Variants in GALNT5 observed in about 807,000 individuals in gnomAD.
GALNT5 encodes polypeptide N-acetylgalactosaminyltransferase 5.
In GALNT5, 72 loss-of-function variants were observed where a neutral mutation model predicts 85.4. That is an observed-to-expected ratio of 0.84 (90% confidence interval 0.70 to 1.03). The LOEUF is 1.03. Ranked by LOEUF, GALNT5 falls within the 50% of genes least tolerant of loss-of-function variation. The pLI is 0.00. For synonymous variants in GALNT5, 404 were observed against 397.0 expected (o/e 1.02, Z -0.21); for missense variants, 1,137 against 1,135.5 (o/e 1.00, Z -0.02).
intron 3 of GALNT5, among the ~76,000 whole-genome samples, chr2:157,286,539 T>C (rs1259482674): frequency 6.6e-6 from 1 of 152,236 alleles, no homozygotes; most frequent in Non-Finnish European, 1.5e-5. Context: ...AGTCTCGCTC[T>C]GTCACCCAGG....
At chr2:157,286,893 A>AGTGTGT (rs3072178) in intron 3 of GALNT5, among the ~76,000 whole-genome samples, 3,628 of 135,844 alleles carry the variant, frequency 0.027, 92 homozygotes, top group African/African-American at 0.06. Context: ...TTTAAATACC[A>AGTGTGT]GTGTGTGTGT....
chr2:157,289,142 C>T (rs570023549), intron 3 of GALNT5, among the ~76,000 whole-genome samples: 1 of 145,848 alleles, frequency 6.9e-6, no homozygotes. Context: ...TCTGCCTGCA[C>T]GGAGCACAGA....
chr2:157,297,012 C>G (rs1683226580), intron 5 of GALNT5, among the ~76,000 whole-genome samples: 1 of 152,114 alleles, frequency 6.6e-6, no homozygotes, highest in African/African-American at 2.4e-5. Context: ...CAAGTTTGGG[C>G]TTTTATTTCC....
In GALNT5 at chr2:157,317,192, A is replaced by ATT. The variant is rs1167725831; in HGVS notation, c.*5845_*5846insTT. On this transcript the variant is annotated 3_prime_UTR_variant, in exon 10 of 10. Transcript: ENST00000259056. The stretch of plus-strand genomic sequence containing the variant: ...TGTGTGTGTATATATATATATATAT[A>ATT]TATATATTTTTTTTTTTGATGCTTT... Among the ~76,000 whole-genome samples the ATT allele has an allele frequency of 2.2e-5, 3 of 135,032 alleles. No homozygotes were observed. The highest frequency in any genetic ancestry group is 9.4e-5 in the African/African-American group (3 of 31,932). 88.6% of individuals were successfully genotyped at this position (135,032 alleles called of 152,430 possible). A position where few individuals can be genotyped will look rare whatever the true frequency, so the allele number is the denominator to read the frequency against.
rs116189635 is a variant in GALNT5, at chr2:157,266,835, C to T, written c.1454+7299C>T. On this transcript the variant is annotated intron_variant, in intron 1 of 9. Coordinates refer to ENST00000259056, the MANE Select transcript of GALNT5 (RefSeq NM_014568.3). The stretch of plus-strand genomic sequence containing the variant: ...CATATGACATTGGCAGAAATTAAAA[C>T]ACCTCTCTTCCTTATACATGGGTAA... 9.4e-3 allele frequency among the ~76,000 whole-genome samples: 1,433 copies of T among 152,298 alleles called. 27 individuals carry two copies. The highest frequency in any genetic ancestry group is 0.033 in the African/African-American group (1,377 of 41,538).
At chr2:157,295,266 T>C (rs1683189769) in intron 3 of GALNT5, among the ~76,000 whole-genome samples, 1 of 152,174 alleles carries the variant, frequency 6.6e-6, no homozygotes, top group Non-Finnish European at 1.5e-5. Flanking sequence ...CTCTTCATCA[T>C]TCCTAAGGCC....
intron 3 of GALNT5, 115 bp from the exon 4 acceptor site, chr2:157,295,548 G>A: frequency 4.3e-6 from 3 of 693,852 alleles, no homozygotes; most frequent in Non-Finnish European, 7.0e-6. Context: ...AAAAAAAAAA[G>A]GTCACTGCAT....
Position 157,300,744 on chromosome 2 carries a change from C to T in GALNT5, c.2184C>T (p.Asp728=). ...GAGTGGGCCATATATTCAGAAATGA[C>T]AATCCATATTCCTTCCCCAAAGACC... is the stretch of plus-strand genomic sequence containing the variant. ...CSRVGHIFRN[D]NPYSFPKDRM... Residue 728 remains aspartate (D), a synonymous_variant, in exon 7 of 10, where the codon GAC becomes GAT. Transcript: ENST00000259056. The T allele has an allele frequency of 6.2e-7, 1 of 1,613,940 alleles. No individual in the cohort carries two copies.
rs1683684650 is a variant in GALNT5, at chr2:157,315,619, C to T, written c.*4271C>T. On this transcript the variant is annotated 3_prime_UTR_variant, in exon 10 of 10. Transcript: ENST00000259056. ...TAACCAATTGATGTGTAGGTATAAA[C>T]ATGGCTACCCCCACATGTTTTGCTG... Among the ~76,000 whole-genome samples, 1 of 152,158 alleles carries T rather than the reference C, an allele frequency of 6.6e-6. No homozygotes were observed. Among genetic ancestry groups the T allele is most frequent in the East Asian group, 1.9e-4 (1 of 5,186 alleles).
In GALNT5 at chr2:157,315,603, G is replaced by A. The variant is rs1683684135; in HGVS notation, c.*4255G>A. ...CTCTCTCTCTCTGTGGTAACCAATT[G>A]ATGTGTAGGTATAAACATGGCTACC... On this transcript the variant is annotated 3_prime_UTR_variant, in exon 10 of 10. Coordinates refer to ENST00000259056, the MANE Select transcript of GALNT5 (RefSeq NM_014568.3). Among the ~76,000 whole-genome samples, 1 of 152,110 alleles carries A rather than the reference G, an allele frequency of 6.6e-6. No homozygotes were observed. Among genetic ancestry groups the A allele is most frequent in the Non-Finnish European group, 1.5e-5 (1 of 68,024 alleles).
intron 2 of GALNT5, among the ~76,000 whole-genome samples, chr2:157,285,721 C>T (rs1243421478): frequency 1.3e-5 from 2 of 152,150 alleles, no homozygotes; most frequent in Non-Finnish European, 2.9e-5. Context: ...TATTTTAAGG[C>T]AAATCTGCCC....
chr2:157,306,456 C>A (rs758270308), intron 8 of GALNT5, among the ~76,000 whole-genome samples: 1 of 152,132 alleles, frequency 6.6e-6, no homozygotes, highest in Non-Finnish European at 1.5e-5. Context: ...TAGAGGGAGT[C>A]GGGCCAGGAA....
intron 3 of GALNT5, among the ~76,000 whole-genome samples, chr2:157,293,120 G>C (rs1184661544): frequency 6.6e-6 from 1 of 152,186 alleles, no homozygotes; most frequent in Non-Finnish European, 1.5e-5. Flanking sequence ...CTGTCCCAAA[G>C]GTGCCATCCC....
At chr2:157,285,155 G>T (rs890689347) in intron 2 of GALNT5, among the ~76,000 whole-genome samples, 8 of 152,184 alleles carry the variant, frequency 5.3e-5, no homozygotes, top group Admixed American at 1.3e-4. Flanking sequence ...GCTTACCCTT[G>T]AGCTGTGACC....
rs751457382 is a variant in GALNT5, at chr2:157,300,745, A to C, written c.2185A>C (p.Asn729His). The part of the protein sequence containing the change: ...SRVGHIFRND[N>H]PYSFPKDRMK... ...AGTGGGCCATATATTCAGAAATGAC[A>C]ATCCATATTCCTTCCCCAAAGACCG... is the stretch of plus-strand genomic sequence containing the variant. The change falls in exon 7 of 10, where the codon AAT becomes CAT. Residue 729 changes from asparagine to histidine, a missense_variant. By Grantham distance (68) the Asn-to-His change is moderately conservative (BLOSUM62 1). Transcript: ENST00000259056. 4 of 1,614,066 alleles carry C rather than the reference A, an allele frequency of 2.5e-6. No homozygotes were observed. Among genetic ancestry groups the C allele is most frequent in the South Asian group, 1.1e-5 (1 of 91,078 alleles).
At chr2:157,262,671 G>A (rs1682371199) in intron 1 of GALNT5, among the ~76,000 whole-genome samples, 1 of 151,178 alleles carries the variant, frequency 6.6e-6, no homozygotes, top group African/African-American at 2.5e-5. Context: ...CAATAAAAAG[G>A]TAGAGGAGAC....
intron 7 of GALNT5, among the ~76,000 whole-genome samples, chr2:157,303,986 T>C (rs1383548745): frequency 2.6e-5 from 4 of 152,148 alleles, no homozygotes; most frequent in African/African-American, 9.7e-5. Context: ...AGTTCTGGAG[T>C]AGAACCACCT....
intron 3 of GALNT5, among the ~76,000 whole-genome samples, chr2:157,286,902 G>A (rs956272546): frequency 4.0e-5 from 6 of 148,838 alleles, no homozygotes; most frequent in Admixed American, 3.3e-4. Context: ...CAGTGTGTGT[G>A]TGTGTGTGTG....
chr2:157,294,778 AT>A lies in GALNT5; in HGVS notation c.1742-884del, dbSNP rs1421349393. Among the ~76,000 whole-genome samples, 59 of 97,410 alleles carry A rather than the reference AT, an allele frequency of 6.1e-4. 3 individuals carry two copies. In the South Asian group the frequency reaches 0.022, roughly 37 times the overall value. 63.9% of individuals were successfully genotyped at this position (97,410 alleles called of 152,430 possible). A position where few individuals can be genotyped will look rare whatever the true frequency, so the allele number is the denominator to read the frequency against. ...TTACACTCTCTCACACACACATCAC[AT>A]CACACCACACACACACACACACACA... On this transcript the variant is annotated intron_variant, in intron 3 of 9. Coordinates refer to ENST00000259056, the MANE Select transcript of GALNT5 (RefSeq NM_014568.3).
Sources: allele counts gnomAD v4.1 joint callset (sites outside exome capture counted in the v4.1 genomes callset), GRCh38; gene constraint gnomAD v4.1.1; transcripts MANE v1.5; gene names NCBI Gene and HGNC (gene_info 2026-07-23, HGNC 2026-07-21).